Variants in MAST2 observed in about 807,000 individuals in gnomAD.
MAST2 encodes the protein microtubule-associated serine/threonine-protein kinase 2.
MAST2 carries 70 observed loss-of-function variants against 147.4 expected under a neutral mutation model. That is an observed-to-expected ratio of 0.47 (90% CI 0.39 to 0.58). The LOEUF (loss-of-function observed/expected upper bound fraction) is 0.58, where lower values mean the gene tolerates loss of function less well. Among genes scored for constraint, MAST2 ranks in the 20% least tolerant of loss-of-function variants. The pLI is 0.00. For synonymous variants in MAST2, 869 were observed against 896.8 expected (o/e 0.97, Z 0.55); for missense variants, 2,080 against 2,302.3 (o/e 0.90, Z 1.98).
intron 4 of MAST2, among the ~76,000 whole-genome samples, chr1:45,932,029 A>G (rs1407481255): frequency 4.6e-5 from 7 of 152,224 alleles, no homozygotes; most frequent in Non-Finnish European, 8.8e-5. Flanking sequence ...TAGGTGATAC[A>G]GGCTTTCGTT....
chr1:45,913,436 A>T, intron 4 of MAST2: 2 of 203,932 alleles, frequency 9.8e-6, no homozygotes, highest in Non-Finnish European at 1.7e-5. Flanking sequence ...CAGAGTTTTT[A>T]CTGCCGCCAG....
In MAST2 at chr1:45,868,749, G is replaced by C. The variant is rs556362186; in HGVS notation, c.469-13615G>C. On this transcript the variant is annotated intron_variant, in intron 3 of 28. Coordinates refer to ENST00000361297, the MANE Select transcript of MAST2 (RefSeq NM_015112.3). ...CAAAATGTGATTCAGCTAATTTTTA[G>C]TCTTTAAAAACAAAATCTTCAAGAA... 3.9e-5 allele frequency among the ~76,000 whole-genome samples: 6 copies of C among 152,124 alleles called. No individual in the cohort carries two copies. In the East Asian group the frequency reaches 1.2e-3, roughly 29 times the overall value.
intron 1 of MAST2, among the ~76,000 whole-genome samples, chr1:45,815,009 A>C (rs1014911649): frequency 1.3e-5 from 2 of 152,212 alleles, no homozygotes; most frequent in Admixed American, 1.3e-4. Flanking sequence ...ACCATGTGTT[A>C]AAATTAGGTG....
At chr1:45,989,058 C>T (rs980237402) in intron 5 of MAST2, among the ~76,000 whole-genome samples, 8 of 152,134 alleles carry the variant, frequency 5.3e-5, no homozygotes, top group Admixed American at 2.6e-4. Context: ...GCTGATTGAC[C>T]AAAGACATAT....
chr1:46,031,653 G>A lies in MAST2; in HGVS notation c.3187+68G>A, dbSNP rs1646675597. The A allele has an allele frequency of 1.4e-6, 2 of 1,467,690 alleles. No individual in the cohort carries two copies. Among genetic ancestry groups the A allele is most frequent in the Middle Eastern group, 1.8e-4 (1 of 5,696 alleles). The allele number at this position is 1,467,690 out of a possible 1,614,324, so 90.9% of individuals were successfully genotyped here. A position where few individuals can be genotyped will look rare whatever the true frequency, so the allele number is the denominator to read the frequency against. On this transcript the variant is annotated intron_variant, in intron 24 of 28. Transcript: ENST00000361297. This position sits in a 1 kb window ranked among gnomAD's most constrained non-coding sequence, Gnocchi z 4.1. Reference sequence around the variant, plus strand: ...CTTGTAATCTCTAGGCCTTGGGAGGGTTCTGCACGTGGCAGGTGTGTGTGT... The same window carrying A: ...CTTGTAATCTCTAGGCCTTGGGAGGATTCTGCACGTGGCAGGTGTGTGTGT...
intron 3 of MAST2, among the ~76,000 whole-genome samples, chr1:45,844,835 G>T (rs1645382411): frequency 6.6e-6 from 1 of 152,122 alleles, no homozygotes; most frequent in Admixed American, 6.5e-5. Flanking sequence ...TCGAAACTGG[G>T]TAATTTATAA....
chr1:46,002,971 CT>C (rs1157643110), intron 7 of MAST2, 88 bp downstream of exon 7: 5 of 1,331,154 alleles, frequency 3.8e-6, no homozygotes, highest in Non-Finnish European at 5.4e-6. Flanking sequence ...TGGTTCTCAA[CT>C]TTTTCTCCAA....
At chr1:45,984,505 TGTGTTGTTGCCCAGGCTG>T (rs1316151443) in intron 5 of MAST2, among the ~76,000 whole-genome samples, 1 of 151,882 alleles carries the variant, frequency 6.6e-6, no homozygotes, top group Non-Finnish European at 1.5e-5. Flanking sequence ...AGAGTCCCAC[TGTGTTGTTGCCCAGGCTG>T]GTCTTGAACT....
In MAST2 at chr1:45,934,098, G is replaced by A. The variant is rs77535837; in HGVS notation, c.501-25288G>A. On this transcript the variant is annotated intron_variant, in intron 4 of 28. Transcript: ENST00000361297. ...CCTCCACCCTGATGTAGGCCTTGGT[G>A]TCTATTATTCCCTTCCTTGTGTCCA... Among the ~76,000 whole-genome samples, 540 of 152,146 alleles carry A rather than the reference G, an allele frequency of 3.5e-3. 6 individuals carry two copies. The highest frequency in any genetic ancestry group is 0.033 in the East Asian group (171 of 5,156).
chr1:45,896,250 C>T (rs907989309), intron 4 of MAST2, among the ~76,000 whole-genome samples: 6 of 152,054 alleles, frequency 3.9e-5, no homozygotes, highest in Admixed American at 2.6e-4. Flanking sequence ...AGGCTAGTCT[C>T]GAACTCCTGA....
chr1:45,806,661 T>C (rs1470046040), intron 1 of MAST2, among the ~76,000 whole-genome samples: 1 of 152,218 alleles, frequency 6.6e-6, no homozygotes, highest in African/African-American at 2.4e-5. Context: ...CACTGCAACC[T>C]CTGCCTCCCG....
At chr1:45,990,116 G>A (rs1293889461) in intron 5 of MAST2, among the ~76,000 whole-genome samples, 2 of 152,178 alleles carry the variant, frequency 1.3e-5, no homozygotes, top group East Asian at 1.9e-4. Flanking sequence ...TGGATTGTGT[G>A]GGAAGACTGT....
At chr1:45,976,354 T>C (rs1194200877) in intron 5 of MAST2, among the ~76,000 whole-genome samples, 1 of 152,022 alleles carries the variant, frequency 6.6e-6, no homozygotes, top group Admixed American at 6.6e-5. Flanking sequence ...CCCAACACTT[T>C]GGGAGGCTGA....
At chr1:46,034,002 C>T (rs911631012) in intron 27 of MAST2, 64 bp downstream of exon 27, 1 of 1,606,542 alleles carries the variant, frequency 6.2e-7, no homozygotes, top group Non-Finnish European at 8.5e-7. Context: ...GTGGTGGGTG[C>T]CTTGGCCCTG....
intron 2 of MAST2, among the ~76,000 whole-genome samples, chr1:45,827,836 A>C (rs1443890101): frequency 6.6e-6 from 1 of 152,016 alleles, no homozygotes; most frequent in African/African-American, 2.4e-5. Context: ...CCTTTTTTTA[A>C]ATTTTTTGAG....
At chr1:45,920,359 C>G (rs1251954146) in intron 4 of MAST2, among the ~76,000 whole-genome samples, 1 of 152,198 alleles carries the variant, frequency 6.6e-6, no homozygotes, top group African/African-American at 2.4e-5. Context: ...ACTCTGTCTT[C>G]TCAACTCAGG....
intron 4 of MAST2, among the ~76,000 whole-genome samples, chr1:45,885,465 A>T (rs939919173): frequency 3.3e-5 from 5 of 152,182 alleles, no homozygotes; most frequent in African/African-American, 4.8e-5. Flanking sequence ...CTCAAATATG[A>T]GTTTCTAGAC....
chr1:46,026,382 G>A (rs1646411353), intron 16 of MAST2, among the ~76,000 whole-genome samples: 1 of 152,218 alleles, frequency 6.6e-6, no homozygotes, highest in African/African-American at 2.4e-5. Flanking sequence ...TAGATGGTGA[G>A]AGAGTAGTAA....
intron 4 of MAST2, among the ~76,000 whole-genome samples, chr1:45,925,960 A>G (rs759925216): frequency 2.0e-5 from 3 of 152,206 alleles, no homozygotes; most frequent in Non-Finnish European, 4.4e-5. Flanking sequence ...CCTCCTCCAG[A>G]ACTAGGCAAC....
Sources: gnomAD v4.1 joint callset for allele counts (sites outside exome capture counted in the v4.1 genomes callset) on GRCh38, gnomAD v4.1.1 for gene constraint, Gnocchi (gnomAD v3.1) non-coding constraint, MANE v1.5 for transcripts, NCBI Gene and HGNC (gene_info 2026-07-23, HGNC 2026-07-21) for gene names.